The following EPAS1 variants were observed in gnomAD, a reference collection of about 807,000 sequenced individuals.
EPAS1 encodes endothelial PAS domain protein 1.
A neutral mutation model predicts 87.9 loss-of-function variants in EPAS1; 23 were observed. The observed-to-expected ratio is 0.26, with a 90% CI of 0.19 to 0.37. The LOEUF (loss-of-function observed/expected upper bound fraction) is 0.37, where lower values mean the gene tolerates loss of function less well. Among genes scored for constraint, EPAS1 ranks in the 10% least tolerant of loss-of-function variants. The probability of loss-of-function intolerance (pLI) is 1.00; values close to 1 mark genes in which losing one functional copy is unlikely to be tolerated. For synonymous variants in EPAS1, 508 were observed against 444.3 expected, an observed-to-expected ratio of 1.14 and a Z score of -1.80; for missense variants, 1,138 against 1,120.7, an observed-to-expected ratio of 1.02 and a Z score of -0.22.
At chr2:46,333,306 C>A (rs557888120) in intron 1 of EPAS1, among the ~76,000 whole-genome samples, 2 of 152,156 alleles carry the variant, frequency 1.3e-5, no homozygotes, top group Non-Finnish European at 2.9e-5. Context: ...TACTTTGATA[C>A]ATGAGAGGTT....
At chr2:46,299,788 C>A (rs566876409) in intron 1 of EPAS1, among the ~76,000 whole-genome samples, 6 of 152,092 alleles carry the variant, frequency 3.9e-5, no homozygotes, top group Non-Finnish European at 8.8e-5. Flanking sequence ...TTCGACACAC[C>A]CAGCTACAGT....
In EPAS1 at chr2:46,380,120, T is replaced by C; in HGVS notation, c.1555-107T>C. ...GCCAGTGGAGGCGTTTGAGCAGCAC[T>C]GTGAAACAGTGCTTGAGATGAATGG... On this transcript the variant is annotated intron_variant, in intron 11 of 15. Transcript: ENST00000263734. This position sits in a 1 kb window ranked among gnomAD's most constrained non-coding sequence, Gnocchi z 4.4. The C allele has an allele frequency of 1.3e-6, 2 of 1,581,742 alleles. No homozygotes were observed. Among genetic ancestry groups the C allele is most frequent in the Non-Finnish European group, 1.7e-6 (2 of 1,164,882 alleles).
chr2:46,314,732 C>T (rs569086116), intron 1 of EPAS1, among the ~76,000 whole-genome samples: 4 of 152,128 alleles, frequency 2.6e-5, no homozygotes, highest in Admixed American at 2.6e-4. Flanking sequence ...GATGATTGGT[C>T]GGGAGCTGGA....
intron 1 of EPAS1, among the ~76,000 whole-genome samples, chr2:46,321,077 A>G (rs960832392): frequency 3.9e-5 from 6 of 152,210 alleles, no homozygotes; most frequent in African/African-American, 7.2e-5. Context: ...TCACTATTCT[A>G]CTTTCTCTAT....
intron 6 of EPAS1, among the ~76,000 whole-genome samples, chr2:46,369,087 G>A (rs2103651225): frequency 6.6e-6 from 1 of 152,268 alleles, no homozygotes; most frequent in South Asian, 2.1e-4. Flanking sequence ...GGTGTCATCT[G>A]AGCTGCCTAT....
At chr2:46,313,693 T>C (rs1314983778) in intron 1 of EPAS1, among the ~76,000 whole-genome samples, 1 of 152,150 alleles carries the variant, frequency 6.6e-6, no homozygotes, top group South Asian at 2.1e-4. Context: ...TCAGGTGATC[T>C]GCCCGCCTTG....
chr2:46,365,016 C>G (rs936107423), intron 6 of EPAS1, among the ~76,000 whole-genome samples: 1 of 152,104 alleles, frequency 6.6e-6, no homozygotes, highest in Non-Finnish European at 1.5e-5. Flanking sequence ...AAGTTGTTCC[C>G]AAGTAGTTTA....
chr2:46,362,182 C>T (rs1572639121), intron 6 of EPAS1, among the ~76,000 whole-genome samples: 1 of 152,200 alleles, frequency 6.6e-6, no homozygotes, highest in East Asian at 1.9e-4. Context: ...CTTTGCCACC[C>T]CCAACTCTTT....
chr2:46,326,588 G>A (rs147805605), intron 1 of EPAS1, among the ~76,000 whole-genome samples: 2 of 152,310 alleles, frequency 1.3e-5, no homozygotes, highest in East Asian at 3.9e-4. Context: ...GTTTTAAGAG[G>A]AAGAAATGGA....
At chr2:46,327,510 A>G (rs1406235496) in intron 1 of EPAS1, among the ~76,000 whole-genome samples, 1 of 152,238 alleles carries the variant, frequency 6.6e-6, no homozygotes, top group Non-Finnish European at 1.5e-5. Flanking sequence ...TACAAATCCC[A>G]TGAATTCTGA....
intron 1 of EPAS1, among the ~76,000 whole-genome samples, chr2:46,345,714 C>G (rs998801717): frequency 6.6e-6 from 1 of 152,176 alleles, no homozygotes; most frequent in Non-Finnish European, 1.5e-5. Flanking sequence ...TATTATGCAT[C>G]TAGCCTTTCT....
intron 15 of EPAS1, 89 bp from the exon 16 acceptor site, chr2:46,384,420 C>T: frequency 6.4e-7 from 1 of 1,573,688 alleles, no homozygotes; most frequent in Admixed American, 1.7e-5. Flanking sequence ...TAGGGCTGCT[C>T]TATTGGTATC....
intron 7 of EPAS1, 23 bp downstream of exon 7, chr2:46,369,956 G>A (rs1315067510): frequency 6.4e-7 from 1 of 1,574,324 alleles, no homozygotes; most frequent in Admixed American, 1.7e-5. Context: ...AGTGCCCCTT[G>A]TGGCTTCCTT....
intron 1 of EPAS1, among the ~76,000 whole-genome samples, chr2:46,304,952 G>A (rs1683079715): frequency 6.6e-6 from 1 of 152,224 alleles, no homozygotes; most frequent in Admixed American, 6.5e-5. Context: ...AGCCTTAACA[G>A]CCATCACACT....
chr2:46,372,638 T>C (rs1684651185), intron 7 of EPAS1, among the ~76,000 whole-genome samples: 1 of 152,244 alleles, frequency 6.6e-6, no homozygotes, highest in African/African-American at 2.4e-5. Context: ...TTTAATCTTA[T>C]TTTCCTATCT....
chr2:46,302,164 G>GGC (rs1558580066), intron 1 of EPAS1, among the ~76,000 whole-genome samples: 2 of 148,644 alleles, frequency 1.3e-5, no homozygotes, highest in African/African-American at 2.5e-5. Flanking sequence ...GTGCGTCGGG[G>GGC]GGGGGGGCAG....
intron 1 of EPAS1, among the ~76,000 whole-genome samples, chr2:46,313,685 A>AG (rs1248301547): frequency 6.6e-6 from 1 of 152,130 alleles, no homozygotes; most frequent in East Asian, 1.9e-4. Context: ...CTCTGACCTC[A>AG]GGTGATCTGC....
chr2:46,298,876 G>A (rs1230894805), intron 1 of EPAS1, among the ~76,000 whole-genome samples: 10 of 152,346 alleles, frequency 6.6e-5, no homozygotes, highest in African/African-American at 2.4e-4. Flanking sequence ...CTGCAAATGT[G>A]TGCGGCTCGC....
intron 6 of EPAS1, among the ~76,000 whole-genome samples, chr2:46,364,795 T>C (rs575595436): frequency 4.3e-4 from 65 of 152,328 alleles, no homozygotes; most frequent in African/African-American, 1.3e-3. Context: ...ACATAGGCAA[T>C]ATACTCTGTT....
Sources: allele counts gnomAD v4.1 joint callset (sites outside exome capture counted in the v4.1 genomes callset), GRCh38; gene constraint gnomAD v4.1.1; non-coding constraint Gnocchi (gnomAD v3.1); transcripts MANE v1.5; gene names NCBI Gene and HGNC (gene_info 2026-07-23, HGNC 2026-07-21).